The following AGBL4 variants were observed in gnomAD, a reference collection of about 807,000 sequenced individuals.
AGBL4 encodes AGBL carboxypeptidase 4, also known as cytosolic carboxypeptidase 6.
A neutral mutation model predicts 66.4 loss-of-function variants in AGBL4; 58 were observed. The ratio of observed to expected loss-of-function variants is 0.87; its 90% CI spans 0.71 to 1.09. AGBL4 has a LOEUF of 1.09. AGBL4 is among the 50% of genes least tolerant of loss of function. The pLI, the probability that AGBL4 is intolerant of heterozygous loss-of-function variation, is 0.00. For missense variants in AGBL4, 579 were observed against 631.0 expected, an observed-to-expected ratio of 0.92 and a Z score of 0.88; for synonymous variants, 234 against 222.9, an observed-to-expected ratio of 1.05 and a Z score of -0.44.
intron 6 of AGBL4, among the ~76,000 whole-genome samples, chr1:48,676,393 C>T (rs1001274039): frequency 6.6e-6 from 1 of 152,338 alleles, no homozygotes; most frequent in South Asian, 2.1e-4. Flanking sequence ...GCAGTGACTG[C>T]GCTGCTCTCT....
chr1:49,191,766 T>C (rs1213497892), intron 4 of AGBL4, among the ~76,000 whole-genome samples: 1 of 152,204 alleles, frequency 6.6e-6, no homozygotes. Context: ...CCCAGCTGCA[T>C]CACTCTTGCT....
At chr1:49,938,655 G>A (rs1217986032) in intron 1 of AGBL4, among the ~76,000 whole-genome samples, 1 of 152,180 alleles carries the variant, frequency 6.6e-6, no homozygotes, top group Non-Finnish European at 1.5e-5. Flanking sequence ...CCATGATCAA[G>A]TGGGCTTCAT....
chr1:49,022,386 G>A (rs919762990), intron 5 of AGBL4, among the ~76,000 whole-genome samples: 13 of 151,500 alleles, frequency 8.6e-5, no homozygotes, highest in African/African-American at 9.7e-5. Context: ...TGAGGAACCC[G>A]AATATTCCTA....
intron 3 of AGBL4, among the ~76,000 whole-genome samples, chr1:49,490,012 T>G (rs1647155208): frequency 6.6e-6 from 1 of 151,856 alleles, no homozygotes; most frequent in Non-Finnish European, 1.5e-5. Flanking sequence ...TTCCAAATAC[T>G]TACATGTCTT....
chr1:49,900,048 A>G (rs1157790387), intron 1 of AGBL4, among the ~76,000 whole-genome samples: 2 of 151,976 alleles, frequency 1.3e-5, no homozygotes, highest in Non-Finnish European at 2.9e-5. Flanking sequence ...TCTCAAAAAA[A>G]AAAGTTTGCT....
At chr1:49,017,893 T>C (rs1337792962) in intron 5 of AGBL4, among the ~76,000 whole-genome samples, 1 of 152,142 alleles carries the variant, frequency 6.6e-6, no homozygotes, top group Non-Finnish European at 1.5e-5. Flanking sequence ...CCAGAAAAAC[T>C]AATGACTTAG....
At chr1:49,150,301 A>G (rs1296080538) in intron 4 of AGBL4, among the ~76,000 whole-genome samples, 1 of 152,198 alleles carries the variant, frequency 6.6e-6, no homozygotes, top group African/African-American at 2.4e-5. Context: ...ATGCACCTAC[A>G]GGTATATCAT....
At chr1:48,955,176 C>T (rs1416500182) in intron 5 of AGBL4, among the ~76,000 whole-genome samples, 3 of 152,176 alleles carry the variant, frequency 2.0e-5, no homozygotes, top group Admixed American at 6.5e-5. Flanking sequence ...TAAATGTCCT[C>T]CTCCATGGCT....
At chr1:49,903,762 A>G (rs2148194822) in intron 1 of AGBL4, among the ~76,000 whole-genome samples, 1 of 152,290 alleles carries the variant, frequency 6.6e-6, no homozygotes, top group South Asian at 2.1e-4. Context: ...GTAGAGCTGA[A>G]GTATGTAGGC....
intron 3 of AGBL4, among the ~76,000 whole-genome samples, chr1:49,696,460 T>A (rs1396776287): frequency 6.6e-6 from 1 of 152,060 alleles, no homozygotes; most frequent in Non-Finnish European, 1.5e-5. Context: ...ATCGAAAATC[T>A]AAAATGCTCC....
intron 8 of AGBL4, among the ~76,000 whole-genome samples, chr1:48,643,429 T>C (rs1186453127): frequency 2.6e-5 from 4 of 152,122 alleles, no homozygotes; most frequent in East Asian, 3.9e-4. Flanking sequence ...ACCAGAGCAC[T>C]TGGCATTCCT....
At chr1:49,904,585 A>G (rs1168075691) in intron 1 of AGBL4, among the ~76,000 whole-genome samples, 3 of 152,316 alleles carry the variant, frequency 2.0e-5, no homozygotes, top group African/African-American at 4.8e-5. Flanking sequence ...TTTGTCTCCA[A>G]ACTAGGTTGC....
At chr1:49,911,261 A>G (rs1222775699) in intron 1 of AGBL4, among the ~76,000 whole-genome samples, 1 of 152,180 alleles carries the variant, frequency 6.6e-6, no homozygotes, top group Non-Finnish European at 1.5e-5. Context: ...TAACTGAAAT[A>G]AATAGAAAAA....
intron 5 of AGBL4, among the ~76,000 whole-genome samples, chr1:48,887,443 C>T (rs1319904818): frequency 6.6e-6 from 1 of 152,006 alleles, no homozygotes; most frequent in Non-Finnish European, 1.5e-5. Context: ...AAGCACATGA[C>T]AGGTAAGAGG....
chr1:49,814,169 T>C (rs547880790), intron 2 of AGBL4, among the ~76,000 whole-genome samples: 1 of 152,262 alleles, frequency 6.6e-6, no homozygotes, highest in East Asian at 1.9e-4. Context: ...TACAGTACTG[T>C]ATTAATTGTG....
At chr1:48,814,813 T>C (rs2148762312) in intron 6 of AGBL4, among the ~76,000 whole-genome samples, 1 of 150,802 alleles carries the variant, frequency 6.6e-6, no homozygotes, top group Non-Finnish European at 1.5e-5. Context: ...CATCTGTTGT[T>C]GGACACCTAG....
intron 1 of AGBL4, among the ~76,000 whole-genome samples, chr1:50,004,747 A>G (rs1358206396): frequency 6.6e-6 from 1 of 152,072 alleles, no homozygotes; most frequent in Admixed American, 6.6e-5. Context: ...GAGCCCTTGG[A>G]CCCTGAATAA....
chr1:49,262,783 A>G (rs1255664438), intron 3 of AGBL4, among the ~76,000 whole-genome samples: 16 of 152,290 alleles, frequency 1.1e-4, no homozygotes, highest in South Asian at 1.0e-3. Context: ...AATACCATTT[A>G]ACCCAGCCAT....
chr1:48,839,911 CT>C (rs1227709186), intron 6 of AGBL4, among the ~76,000 whole-genome samples: 1 of 152,080 alleles, frequency 6.6e-6, no homozygotes, highest in Non-Finnish European at 1.5e-5. Context: ...GCTTCTATGT[CT>C]TTTTATATAA....
Sources: gnomAD v4.1 joint callset for allele counts (sites outside exome capture counted in the v4.1 genomes callset) on GRCh38, gnomAD v4.1.1 for gene constraint, MANE v1.5 for transcripts, NCBI Gene and HGNC (gene_info 2026-07-23, HGNC 2026-07-21) for gene names.